IGSF23: variants seen among roughly 807,000 people sequenced by gnomAD.
IGSF23 encodes the protein immunoglobulin superfamily member 23.
Under a neutral mutation model 17.8 loss-of-function variants are expected in IGSF23, and 14 were observed. That is an observed-to-expected ratio of 0.79 (90% CI 0.52 to 1.23). The LOEUF is 1.23. Among genes scored for constraint, IGSF23 ranks in the 50% most tolerant of loss-of-function variants. The pLI, the probability that IGSF23 is intolerant of heterozygous loss-of-function variation, is 0.00. For missense variants in IGSF23, 214 were observed against 241.7 expected, an observed-to-expected ratio of 0.89 and a Z score of 0.76; for synonymous variants, 85 against 92.5, an observed-to-expected ratio of 0.92 and a Z score of 0.46.
intron 3 of IGSF23, chr19:44,632,524 G>A (rs1327465696): frequency 1.9e-5 from 3 of 154,894 alleles, no homozygotes; most frequent in Middle Eastern, 9.7e-4. Flanking sequence ...CAACCGGGGG[G>A]TCCTCAGGAT....
rs533038384 is a variant in IGSF23 at position 44,626,043 on chromosome 19, T to C, written c.392-1377T>C. Among the ~76,000 whole-genome samples the C allele has an allele frequency of 3.3e-5, 5 of 152,312 alleles. No individual in the cohort carries two copies. The South Asian group carries it at 1.0e-3, about 32-fold the overall frequency. On this transcript the variant is annotated intron_variant, in intron 2 of 4. Transcript: ENST00000402988. ...AATAAAGTACCCAGTCTCAGGTATT[T>C]CTTCATAGCAGTATGAAAATGGACT...
At chr19:44,619,245 G>A (rs1242291248) in intron 1 of IGSF23, among the ~76,000 whole-genome samples, 1 of 152,190 alleles carries the variant, frequency 6.6e-6, no homozygotes, top group Non-Finnish European at 1.5e-5. Context: ...ATCCGCCCCT[G>A]TGGCCCAAAC....
chr19:44,627,756 A>G (rs1243388776), intron 3 of IGSF23, among the ~76,000 whole-genome samples, 183 bp downstream of exon 3: 1 of 152,170 alleles, frequency 6.6e-6, no homozygotes, highest in Non-Finnish European at 1.5e-5. Flanking sequence ...ACAAAGAGAT[A>G]GAAGAGGACA....
chr19:44,615,158 G>T (rs1198221303), intron 1 of IGSF23, among the ~76,000 whole-genome samples: 1 of 151,940 alleles, frequency 6.6e-6, no homozygotes, highest in Non-Finnish European at 1.5e-5. Context: ...GCCTGGTGGC[G>T]GGCGCCTGTA....
chr19:44,630,775 G>C (rs1056066534), intron 3 of IGSF23, among the ~76,000 whole-genome samples: 3 of 152,198 alleles, frequency 2.0e-5, no homozygotes, highest in Non-Finnish European at 4.4e-5. Context: ...GAAAAGAAGT[G>C]TATATGGGCT....
At chr19:44,615,905 T>C (rs1171896297) in intron 1 of IGSF23, among the ~76,000 whole-genome samples, 1 of 2,670 alleles carries the variant, frequency 3.7e-4, no homozygotes, top group Non-Finnish European at 7.1e-4. Context: ...TGGATCTTCC[T>C]GGGGGCGGGA....
chr19:44,636,029 G>A (rs1972882108), intron 4 of IGSF23, among the ~76,000 whole-genome samples: 1 of 152,144 alleles, frequency 6.6e-6, no homozygotes, highest in African/African-American at 2.4e-5. Flanking sequence ...TGGGACAACT[G>A]GCCTCTCCTT....
chr19:44,618,279 C>A, intron 1 of IGSF23: 1 of 443,830 alleles, frequency 2.3e-6, no homozygotes. Context: ...AGGACCTGCT[C>A]ACACTGGCCG....
chr19:44,616,940 C>T (rs1480440522), intron 1 of IGSF23, among the ~76,000 whole-genome samples: 2 of 150,502 alleles, frequency 1.3e-5, no homozygotes, highest in Non-Finnish European at 3.0e-5. Flanking sequence ...GCTCTGTCAC[C>T]CAGGCTGCAG....
intron 3 of IGSF23, chr19:44,632,351 T>C (rs1972786516): frequency 5.9e-6 from 1 of 170,292 alleles, no homozygotes. Flanking sequence ...ATTACCACTA[T>C]CATAGCTACC....
At chr19:44,621,930 C>A (rs1447367200) in intron 1 of IGSF23, among the ~76,000 whole-genome samples, 1 of 152,098 alleles carries the variant, frequency 6.6e-6, no homozygotes, top group Non-Finnish European at 1.5e-5. Flanking sequence ...ACAGTAAGAG[C>A]CCAATCCATG....
At chr19:44,631,123 T>A (rs1307038782) in intron 3 of IGSF23, among the ~76,000 whole-genome samples, 2 of 149,414 alleles carry the variant, frequency 1.3e-5, no homozygotes, top group African/African-American at 4.9e-5. Context: ...AAAAATTCAC[T>A]GGGCATGATA....
At chr19:44,629,072 G>A (rs1021476239) in intron 3 of IGSF23, among the ~76,000 whole-genome samples, 5 of 152,180 alleles carry the variant, frequency 3.3e-5, no homozygotes, top group Non-Finnish European at 1.5e-5. Context: ...AGTAACATGT[G>A]GGTCAGAGAG....
intron 2 of IGSF23, among the ~76,000 whole-genome samples, chr19:44,624,337 TAC>T (rs1972594256): frequency 6.6e-6 from 1 of 150,472 alleles, no homozygotes; most frequent in Non-Finnish European, 1.5e-5. Flanking sequence ...CAGGCTGGAG[TAC>T]AGTGCTGTGA....
At chr19:44,615,070 A>AT (rs1346588575) in intron 1 of IGSF23, among the ~76,000 whole-genome samples, 2 of 151,840 alleles carry the variant, frequency 1.3e-5, no homozygotes, top group Non-Finnish European at 2.9e-5. Context: ...CAGGCGGATC[A>AT]CGAGGTCAGG....
In IGSF23 at chr19:44,627,467, A is replaced by G; in HGVS notation, c.439A>G (p.Thr147Ala). Reference protein sequence around the residue: ...TEAEPMEPDPTLSLSGGSAIG... With the variant: ...TEAEPMEPDPALSLSGGSAIG... ...AGCAGAGCCCATGGAGCCAGACCCC[A>G]CTCTGTCCCTGTCAGGAGGCTCTGC... Residue 147 changes from threonine (T) to alanine (A), a missense_variant, in exon 3 of 5, where the codon ACT becomes GCT. By Grantham distance (58) the Thr-to-Ala change is moderately conservative (BLOSUM62 0). Coordinates refer to ENST00000402988, the MANE Select transcript of IGSF23 (RefSeq NM_001205280.2). 1.3e-6 allele frequency: 2 copies of G among 1,549,954 alleles called. No homozygotes were observed. The highest frequency in any genetic ancestry group is 1.7e-6 in the Non-Finnish European group (2 of 1,146,766).
intron 1 of IGSF23, among the ~76,000 whole-genome samples, chr19:44,617,872 G>A (rs528188028): frequency 2.6e-5 from 4 of 152,250 alleles, no homozygotes; most frequent in Admixed American, 2.6e-4. Flanking sequence ...TTCTGCCAAC[G>A]TGCCCACTGA....
At chr19:44,625,834 C>T (rs1397083847) in intron 2 of IGSF23, among the ~76,000 whole-genome samples, 8 of 152,114 alleles carry the variant, frequency 5.3e-5, no homozygotes. Context: ...TTTTCCCATG[C>T]TGTTCTCGTG....
chr19:44,627,379 G>A, intron 2 of IGSF23, 41 bp from the exon 3 acceptor site: 1 of 1,469,178 alleles, frequency 6.8e-7, no homozygotes, highest in Non-Finnish European at 9.1e-7. Context: ...AGGGAGGGCG[G>A]GCAGATGGCT....
Sources: allele counts gnomAD v4.1 joint callset (sites outside exome capture counted in the v4.1 genomes callset), GRCh38; gene constraint gnomAD v4.1.1; transcripts MANE v1.5; gene names NCBI Gene and HGNC (gene_info 2026-07-23, HGNC 2026-07-21).